PRELID2: variants seen among roughly 807,000 people sequenced by gnomAD.
The protein encoded by PRELID2 is PRELI domain containing 2, also known as PRELI domain-containing protein 2.
A neutral mutation model predicts 28.4 loss-of-function variants in PRELID2; 25 were observed. The ratio of observed to expected loss-of-function variants is 0.88; its 90% CI spans 0.64 to 1.23. PRELID2 has a LOEUF of 1.23. PRELID2 is among the 50% of genes most tolerant of loss of function. The pLI is 0.00. For missense variants in PRELID2, 201 were observed against 214.4 expected, an observed-to-expected ratio of 0.94 and a Z score of 0.39; for synonymous variants, 76 against 71.6, an observed-to-expected ratio of 1.06 and a Z score of -0.31.
chr5:145,650,712 C>G (rs2149670676), intron 1 of PRELID2, among the ~76,000 whole-genome samples: 1 of 151,684 alleles, frequency 6.6e-6, no homozygotes, highest in East Asian at 1.9e-4. Flanking sequence ...AACCTAGAAC[C>G]TGAAATCTAT....
chr5:145,313,321 G>A, the PRELID2 span, among the ~76,000 whole-genome samples: 1 of 152,108 alleles, frequency 6.6e-6, no homozygotes, highest in African/African-American at 2.4e-5. Context: ...CTATCTTTCA[G>A]CAAATCTGTT....
At chr5:145,745,200 T>C (rs1417881397) in intron 1 of PRELID2, among the ~76,000 whole-genome samples, 1 of 151,994 alleles carries the variant, frequency 6.6e-6, no homozygotes, top group Non-Finnish European at 1.5e-5. Flanking sequence ...CTCCAAGAAA[T>C]ATGGGACTCC....
At chr5:145,690,403 C>T (rs532842162) in intron 1 of PRELID2, among the ~76,000 whole-genome samples, 10 of 152,238 alleles carry the variant, frequency 6.6e-5, no homozygotes, top group African/African-American at 1.9e-4. Flanking sequence ...TTTCTGGCCA[C>T]GGTGATTGGT....
At chr5:145,768,837 T>C (rs774002030) in intron 5 of PRELID2, among the ~76,000 whole-genome samples, 6 of 151,188 alleles carry the variant, frequency 4.0e-5, no homozygotes, top group African/African-American at 7.3e-5. Context: ...TTTCCCTTTT[T>C]CCCCCCCTCT....
At chr5:145,313,313 A>G in the PRELID2 span, among the ~76,000 whole-genome samples, 1 of 152,202 alleles carries the variant, frequency 6.6e-6, no homozygotes, top group East Asian at 1.9e-4. Flanking sequence ...CAAGATGTCT[A>G]TCTTTCAGCA....
intron 1 of PRELID2, among the ~76,000 whole-genome samples, chr5:145,727,524 A>G (rs1835931): frequency 0.22 from 33,222 of 152,080 alleles, 4,735 homozygotes; most frequent in African/African-American, 0.4. Context: ...TCATAAAACC[A>G]CCACAGCTAT....
chr5:145,708,560 G>GA (rs916757183), intron 1 of PRELID2, among the ~76,000 whole-genome samples: 9 of 151,958 alleles, frequency 5.9e-5, no homozygotes, highest in Admixed American at 4.6e-4. Context: ...ATTTTTGTAG[G>GA]AAAAAAGATT....
At chr5:145,741,235 A>G (rs182944593) in intron 1 of PRELID2, among the ~76,000 whole-genome samples, 28 of 113,580 alleles carry the variant, frequency 2.5e-4, no homozygotes, top group African/African-American at 1.0e-3. Context: ...TATAATATAT[A>G]ATATAAATAT....
At chr5:145,525,335 G>A (rs1752597998) in intron 1 of PRELID2, among the ~76,000 whole-genome samples, 2 of 152,168 alleles carry the variant, frequency 1.3e-5, no homozygotes, top group Non-Finnish European at 2.9e-5. Context: ...ATCTCTAGGA[G>A]AATCTGATAT....
intron 1 of PRELID2, among the ~76,000 whole-genome samples, chr5:145,604,219 C>T (rs1982071): frequency 0.21 from 32,089 of 151,900 alleles, 6,286 homozygotes; most frequent in African/African-American, 0.51. Flanking sequence ...ACCCAATAGA[C>T]AGATTTTTTA....
At chr5:145,403,637 C>T in the PRELID2 span, among the ~76,000 whole-genome samples, 6 of 152,174 alleles carry the variant, frequency 3.9e-5, no homozygotes, top group Non-Finnish European at 7.4e-5. Flanking sequence ...TTGCTATGTA[C>T]CAGGAGCTAT....
intron 1 of PRELID2, among the ~76,000 whole-genome samples, chr5:145,480,899 G>C (rs1001431033): frequency 6.6e-6 from 1 of 152,092 alleles, no homozygotes; most frequent in Non-Finnish European, 1.5e-5. Context: ...TCAAAGCGAG[G>C]TTACCGAATA....
the PRELID2 span, among the ~76,000 whole-genome samples, chr5:145,453,006 A>T: frequency 6.6e-6 from 1 of 152,170 alleles, no homozygotes. Context: ...TTTCTAGCAA[A>T]GGATGTACAA....
the PRELID2 span, among the ~76,000 whole-genome samples, chr5:145,322,150 C>T: frequency 1.3e-5 from 2 of 152,128 alleles, no homozygotes; most frequent in Admixed American, 1.3e-4. Flanking sequence ...AGAAAATGTC[C>T]GTAGGATCAA....
chr5:145,233,896 A>G, the PRELID2 span, among the ~76,000 whole-genome samples: 1 of 152,220 alleles, frequency 6.6e-6, no homozygotes, highest in Non-Finnish European at 1.5e-5. Context: ...TTTTTAAAAC[A>G]TAACCAACCT....
the PRELID2 span, among the ~76,000 whole-genome samples, chr5:145,353,968 C>A: frequency 6.6e-6 from 1 of 152,188 alleles, no homozygotes; most frequent in Non-Finnish European, 1.5e-5. Context: ...AATTTAACAT[C>A]TGTGCTTCTT....
the PRELID2 span, among the ~76,000 whole-genome samples, chr5:145,387,908 A>T: frequency 8.6e-5 from 13 of 151,232 alleles, no homozygotes; most frequent in South Asian, 2.8e-3. Flanking sequence ...CCTAGGCAAG[A>T]GAGAAAGACC....
chr5:145,643,157 G>GT (rs1317368805), intron 1 of PRELID2, among the ~76,000 whole-genome samples: 4 of 152,148 alleles, frequency 2.6e-5, no homozygotes, highest in Non-Finnish European at 5.9e-5. Flanking sequence ...AGCATGGAAT[G>GT]TTTTTCCATT....
chr5:145,522,373 G>C (rs1040054949), intron 1 of PRELID2, among the ~76,000 whole-genome samples: 4 of 151,600 alleles, frequency 2.6e-5, no homozygotes, highest in Non-Finnish European at 4.4e-5. Flanking sequence ...GGTTATCACT[G>C]TGTATCTATC....
Sources: gnomAD v4.1 joint callset for allele counts (sites outside exome capture counted in the v4.1 genomes callset) on GRCh38, gnomAD v4.1.1 for gene constraint, MANE v1.5 for transcripts, NCBI Gene and HGNC (gene_info 2026-07-23, HGNC 2026-07-21) for gene names.